Variants in MEMO1 observed in about 807,000 individuals in gnomAD.
The protein encoded by MEMO1 is mediator of cell motility 1.
Under a neutral mutation model 45.2 loss-of-function variants are expected in MEMO1, and 6 were observed. The observed-to-expected ratio is 0.13, with a 90% CI of 0.07 to 0.26. The LOEUF (loss-of-function observed/expected upper bound fraction) is 0.26, where lower values mean the gene tolerates loss of function less well. MEMO1 is among the 10% of genes least tolerant of loss of function. The pLI is 1.00. For synonymous variants in MEMO1, 78 were observed against 124.3 expected, an observed-to-expected ratio of 0.63 and a Z score of 2.48; for missense variants, 184 against 370.5, an observed-to-expected ratio of 0.50 and a Z score of 4.13.
chr2:31,977,192 A>C (rs1401811062), intron 2 of MEMO1, among the ~76,000 whole-genome samples: 2 of 152,168 alleles, frequency 1.3e-5, no homozygotes, highest in South Asian at 4.1e-4. Flanking sequence ...TCAGTTCATG[A>C]AACAAAAACC....
chr2:32,008,517 G>C (rs886186492), intron 2 of MEMO1, among the ~76,000 whole-genome samples: 19 of 152,144 alleles, frequency 1.2e-4, no homozygotes, highest in Non-Finnish European at 1.9e-4. Context: ...CCAGGAGGCG[G>C]AGGTTGCAAT....
At chr2:31,997,386 C>T (rs1314401842) in intron 2 of MEMO1, among the ~76,000 whole-genome samples, 1 of 152,050 alleles carries the variant, frequency 6.6e-6, no homozygotes, top group East Asian at 1.9e-4. Flanking sequence ...AGAAACAAAC[C>T]ACCACACCCA....
intron 3 of MEMO1, among the ~76,000 whole-genome samples, chr2:31,933,348 AATTTATAT>A (rs1664489087): frequency 1.2e-3 from 20 of 16,184 alleles, no homozygotes; most frequent in South Asian, 3.8e-3. Flanking sequence ...AAAAAAAAAA[AATTTATAT>A]ATATATATAT....
In MEMO1 at chr2:31,940,525, A is replaced by T. The variant is rs561775949; in HGVS notation, c.143+2777T>A. ...AAAACATAAGAATCATTCAGTCATG[A>T]TATTTTAAAACCATGTCTTAAAAAT... is the stretch of plus-strand genomic sequence containing the variant. On this transcript the variant is annotated intron_variant, in intron 3 of 9. Transcript: ENST00000404530. 7.9e-5 allele frequency among the ~76,000 whole-genome samples: 12 copies of T among 152,308 alleles called. No homozygotes were observed. The East Asian group carries it at 2.1e-3, about 27-fold the overall frequency.
At chr2:31,977,349 G>C (rs1183842053) in intron 2 of MEMO1, among the ~76,000 whole-genome samples, 1 of 152,136 alleles carries the variant, frequency 6.6e-6, no homozygotes, top group Non-Finnish European at 1.5e-5. Flanking sequence ...TTATTTACAA[G>C]AGTAACATTC....
intron 8 of MEMO1, among the ~76,000 whole-genome samples, chr2:31,870,724 C>T (rs998917058): frequency 1.3e-5 from 2 of 152,026 alleles, no homozygotes; most frequent in Non-Finnish European, 2.9e-5. Context: ...TTACAGACAA[C>T]ACACCACCAC....
chr2:31,907,258 A>G (rs1477394784), intron 6 of MEMO1, among the ~76,000 whole-genome samples: 2 of 152,118 alleles, frequency 1.3e-5, no homozygotes, highest in East Asian at 3.9e-4. Context: ...CTCTTTAATT[A>G]TACTTAGTAC....
intron 5 of MEMO1, among the ~76,000 whole-genome samples, chr2:31,920,155 A>T (rs1380014722): frequency 1.3e-5 from 2 of 151,256 alleles, no homozygotes; most frequent in African/African-American, 2.4e-5. Context: ...CTATATTTTT[A>T]AAATTACTCC....
intron 6 of MEMO1, among the ~76,000 whole-genome samples, chr2:31,915,328 T>G (rs1018161785): frequency 6.6e-6 from 1 of 152,104 alleles, no homozygotes; most frequent in Non-Finnish European, 1.5e-5. Flanking sequence ...AGAACTGTAG[T>G]AGACTATCAG....
intron 3 of MEMO1, among the ~76,000 whole-genome samples, chr2:31,933,887 T>C (rs1349826673): frequency 1.3e-5 from 2 of 152,166 alleles, no homozygotes; most frequent in African/African-American, 4.8e-5. Flanking sequence ...GTTTTGATGT[T>C]ATCCTGTGCT....
At chr2:32,006,983 AAAAAG>A (rs1674167809) in intron 2 of MEMO1, among the ~76,000 whole-genome samples, 1 of 151,694 alleles carries the variant, frequency 6.6e-6, no homozygotes, top group African/African-American at 2.4e-5. Flanking sequence ...AAAAAAAAAA[AAAAAG>A]AAGTGAGAAT....
intron 6 of MEMO1, among the ~76,000 whole-genome samples, chr2:31,893,013 A>G (rs1677194113): frequency 6.6e-6 from 1 of 152,172 alleles, no homozygotes; most frequent in Non-Finnish European, 1.5e-5. Context: ...TTTTAGAAGC[A>G]TGAATCATGT....
At chr2:31,959,907 G>A (rs768067108) in intron 2 of MEMO1, among the ~76,000 whole-genome samples, 5 of 152,148 alleles carry the variant, frequency 3.3e-5, no homozygotes, top group Non-Finnish European at 7.3e-5. Context: ...ATCTAAAAGT[G>A]CATTTTTTGA....
intron 2 of MEMO1, among the ~76,000 whole-genome samples, chr2:31,994,870 C>T (rs1258745867): frequency 2.0e-5 from 3 of 151,572 alleles, no homozygotes; most frequent in Non-Finnish European, 4.4e-5. Context: ...ATCAATTGAG[C>T]CCTGGAGGTC....
chr2:31,868,382 A>G lies in MEMO1; in HGVS notation c.873T>C (p.Ala291=). Residue 291 remains alanine (A), a synonymous_variant, in exon 10 of 10, where the codon GCT becomes GCC. Transcript: ENST00000404530. ...NWQDSSVSYA[A]GALTVH is the part of the protein sequence containing the mutation. ...AGCTTCAGTGGACCGTGAGTGCTCC[A>G]GCTGCATAACTCACTGAACTGTCTT... is the stretch of plus-strand genomic sequence containing the variant. 6.4e-7 allele frequency: 1 copy of G among 1,569,140 alleles called. No homozygotes were observed. Among genetic ancestry groups the G allele is most frequent in the East Asian group, 2.3e-5 (1 of 43,520 alleles).
intron 2 of MEMO1, among the ~76,000 whole-genome samples, chr2:31,964,746 TTAAA>T (rs1668414025): frequency 6.6e-6 from 1 of 151,888 alleles, no homozygotes. Flanking sequence ...AAAATTAAAA[TTAAA>T]TAAAAATCAC....
intron 4 of MEMO1, among the ~76,000 whole-genome samples, chr2:31,927,670 C>CTT (rs1438524051): frequency 6.7e-6 from 1 of 150,008 alleles, no homozygotes. Context: ...AGCAATGCCA[C>CTT]TTTTCCCACT....
chr2:31,918,469 T>A (rs898614384), intron 5 of MEMO1, among the ~76,000 whole-genome samples: 2 of 152,172 alleles, frequency 1.3e-5, no homozygotes, highest in African/African-American at 4.8e-5. Context: ...CACTAGTCTA[T>A]TTAACTCATG....
chr2:31,946,138 C>T (rs1254724806), intron 2 of MEMO1, among the ~76,000 whole-genome samples: 1 of 152,166 alleles, frequency 6.6e-6, no homozygotes, highest in Non-Finnish European at 1.5e-5. Flanking sequence ...TTCATCATTG[C>T]TAACACAAGT....
Sources: allele counts gnomAD v4.1 joint callset (sites outside exome capture counted in the v4.1 genomes callset), GRCh38; gene constraint gnomAD v4.1.1; transcripts MANE v1.5; gene names NCBI Gene and HGNC (gene_info 2026-07-23, HGNC 2026-07-21).